PCDHA3: variants seen among roughly 807,000 people sequenced by gnomAD.
PCDHA3 encodes the protein protocadherin alpha-3.
Under a neutral mutation model 62.2 loss-of-function variants are expected in PCDHA3, and 41 were observed. The observed-to-expected ratio is 0.66, with a 90% confidence interval of 0.51 to 0.86. The LOEUF is 0.86. PCDHA3 is among the 40% of genes least tolerant of loss of function. PCDHA3 has a pLI of 0.00. For missense variants in PCDHA3, 1,304 were observed against 1,241.2 expected, an observed-to-expected ratio of 1.05 and a Z score of -0.76; for synonymous variants, 640 against 555.4, an observed-to-expected ratio of 1.15 and a Z score of -2.14.
intron 1 of PCDHA3, chr5:140,927,510 G>A: frequency 1.9e-6 from 3 of 1,614,090 alleles, no homozygotes; most frequent in Non-Finnish European, 2.5e-6. Flanking sequence ...TTACAGCTCG[G>A]GACGGCGGGC....
At chr5:140,832,639 G>T (rs1038103707) in intron 1 of PCDHA3, among the ~76,000 whole-genome samples, 1 of 152,018 alleles carries the variant, frequency 6.6e-6, no homozygotes, top group African/African-American at 2.4e-5. Flanking sequence ...TTCCTAGGAG[G>T]GTCTTTAAGA....
intron 1 of PCDHA3, chr5:140,828,655 C>A (rs1769872389): frequency 6.2e-7 from 1 of 1,614,110 alleles, no homozygotes; most frequent in Non-Finnish European, 8.5e-7. Context: ...ACAGTGATGA[C>A]AATAAACAAA....
intron 1 of PCDHA3, chr5:140,834,444 C>G: frequency 6.2e-7 from 1 of 1,614,020 alleles, no homozygotes; most frequent in Non-Finnish European, 8.5e-7. Flanking sequence ...TATTATAATT[C>G]TAGCAGCTTG....
intron 3 of PCDHA3, among the ~76,000 whole-genome samples, chr5:140,996,915 A>G (rs1167259941): frequency 6.6e-6 from 1 of 152,244 alleles, no homozygotes; most frequent in Non-Finnish European, 1.5e-5. Flanking sequence ...TGAAGTAAAT[A>G]TTAAAAAATA....
intron 1 of PCDHA3, among the ~76,000 whole-genome samples, chr5:140,897,805 A>G (rs1216400632): frequency 6.6e-6 from 1 of 152,172 alleles, no homozygotes; most frequent in Non-Finnish European, 1.5e-5. Context: ...AGTCCCACCA[A>G]CAGTGTAAAA....
chr5:140,970,026 T>A (rs2153783055), intron 1 of PCDHA3, among the ~76,000 whole-genome samples: 1 of 152,304 alleles, frequency 6.6e-6, no homozygotes, highest in Non-Finnish European at 1.5e-5. Context: ...GGCAGAGAGA[T>A]TAAGTACCAA....
rs782443419 is a variant in PCDHA3, at chr5:140,882,688, A to T, written c.2394+79097A>T. On this transcript the variant is annotated intron_variant, in intron 1 of 3. Coordinates refer to ENST00000522353, the MANE Select transcript of PCDHA3 (RefSeq NM_018906.3). ...TATTCCCTGAAAGCAAGAAACGAATAATCATTGCAGAATCTAGACCTCCGG... is the reference window on the plus strand; with the variant it reads ...TATTCCCTGAAAGCAAGAAACGAATTATCATTGCAGAATCTAGACCTCCGG... The T allele has an allele frequency of 1.2e-5, 20 of 1,614,078 alleles. 1 individual carries two copies. In the South Asian group the frequency reaches 2.2e-4, roughly 18 times the overall value.
chr5:140,822,720 T>G (rs1554128830), intron 1 of PCDHA3: 1 of 1,611,974 alleles, frequency 6.2e-7, no homozygotes, highest in African/African-American at 1.3e-5. Context: ...ATAACTCATA[T>G]GAAATTAATA....
chr5:140,883,575 G>A (rs782472492), intron 1 of PCDHA3: 2 of 1,614,072 alleles, frequency 1.2e-6, no homozygotes, highest in Non-Finnish European at 1.7e-6. Flanking sequence ...CCTTCGCTGT[G>A]GGCCACGGCC....
chr5:140,836,642 G>T, intron 1 of PCDHA3: 1 of 1,613,486 alleles, frequency 6.2e-7, no homozygotes, highest in Non-Finnish European at 8.5e-7. Context: ...TCTCCCAGCA[G>T]AGGCGGCAGA....
At chr5:140,977,588 A>G (rs1237547807) in intron 1 of PCDHA3, among the ~76,000 whole-genome samples, 1 of 152,182 alleles carries the variant, frequency 6.6e-6, no homozygotes, top group Non-Finnish European at 1.5e-5. Context: ...GAGAGCAGTT[A>G]GCATGTGAGG....
chr5:140,802,479 C>T lies in PCDHA3; in HGVS notation c.1282C>T (p.Arg428Trp). The T allele has an allele frequency of 1.2e-6, 2 of 1,614,172 alleles. No individual in the cohort carries two copies. Among genetic ancestry groups the T allele is most frequent in the Non-Finnish European group, 1.7e-6 (2 of 1,180,028 alleles). Residue 428 changes from arginine (R) to tryptophan (W), a missense_variant, in exon 1 of 4, where the codon CGG becomes TGG. Arg to Trp is a moderately radical substitution (Grantham distance 101). Transcript: ENST00000522353. ...VSAYELVVTA[R>W]DGGSPSLWAT... Reference sequence around the variant, plus strand: ...GGCCTATGAGCTGGTGGTGACTGCTCGGGACGGGGGCTCGCCTTCACTGTG... The same window carrying T: ...GGCCTATGAGCTGGTGGTGACTGCTTGGGACGGGGGCTCGCCTTCACTGTG...
intron 1 of PCDHA3, chr5:140,821,835 T>C (rs11958868): frequency 0.54 from 871,475 of 1,613,990 alleles, 237,398 homozygotes; most frequent in African/African-American, 0.73. Context: ...GGCTTCTCCT[T>C]GCCTACTGGA....
At chr5:140,844,931 A>G (rs1262967576) in intron 1 of PCDHA3, among the ~76,000 whole-genome samples, 1 of 149,362 alleles carries the variant, frequency 6.7e-6, no homozygotes, top group Non-Finnish European at 1.5e-5. Flanking sequence ...GAAGGGAATG[A>G]ACGATTTCTG....
chr5:140,950,473 G>T (rs2094486830), intron 1 of PCDHA3, among the ~76,000 whole-genome samples: 1 of 152,010 alleles, frequency 6.6e-6, no homozygotes, highest in African/African-American at 2.4e-5. Context: ...CATAGTTTCT[G>T]ATGAGAAGTG....
Position 140,946,631 on chromosome 5 carries a change from T to TATATATATATATATATATATATATAC in PCDHA3, c.2395-32317_2395-32316insTATATATATATATATATATATATACA, listed in dbSNP as rs57893927. ...TGTGAAATATATATATATATATATA[T>TATATATATATATATATATATATATAC]ACAATGGAATACTCATCAGCCATTA... On this transcript the variant is annotated intron_variant, in intron 1 of 3. Coordinates refer to ENST00000522353, the MANE Select transcript of PCDHA3 (RefSeq NM_018906.3). 3.1e-3 allele frequency among the ~76,000 whole-genome samples: 414 copies of TATATATATATATATATATATATATAC among 131,704 alleles called. 27 individuals carry two copies. Among genetic ancestry groups the TATATATATATATATATATATATATAC allele is most frequent in the African/African-American group, 0.013 (382 of 28,586 alleles). 86.4% of individuals were successfully genotyped at this position (131,704 alleles called of 152,430 possible). A position where few individuals can be genotyped will look rare whatever the true frequency, so the allele number is the denominator to read the frequency against.
chr5:140,829,622 C>T, intron 1 of PCDHA3: 1 of 1,612,190 alleles, frequency 6.2e-7, no homozygotes, highest in Admixed American at 1.7e-5. Context: ...CATTTCGGTG[C>T]ACGCGGAGAG....
intron 3 of PCDHA3, among the ~76,000 whole-genome samples, chr5:140,996,427 G>A (rs1479947811): frequency 6.6e-6 from 1 of 152,176 alleles, no homozygotes; most frequent in Non-Finnish European, 1.5e-5. Context: ...GAAAACTTTG[G>A]GAATAGTCAG....
At chr5:140,876,768 G>A (rs2056572417) in intron 1 of PCDHA3, 3 of 1,614,212 alleles carry the variant, frequency 1.9e-6, no homozygotes, top group Non-Finnish European at 2.5e-6. Flanking sequence ...ATGGGGGCTC[G>A]CCTTCGCTGT....
Sources: gnomAD v4.1 joint callset for allele counts (sites outside exome capture counted in the v4.1 genomes callset) on GRCh38, gnomAD v4.1.1 for gene constraint, MANE v1.5 for transcripts, NCBI Gene and HGNC (gene_info 2026-07-23, HGNC 2026-07-21) for gene names.